ANGPT1: variants seen among roughly 807,000 people sequenced by gnomAD.
ANGPT1 encodes the protein angiopoietin 1, also known as angiopoietin-1.
Under a neutral mutation model 62.2 loss-of-function variants are expected in ANGPT1, and 17 were observed. That is an observed-to-expected ratio of 0.27 (90% confidence interval 0.19 to 0.41). The LOEUF is 0.41. Among genes scored for constraint, ANGPT1 ranks in the 10% least tolerant of loss-of-function variants. ANGPT1 has a pLI of 1.00. For missense variants in ANGPT1, 478 were observed against 594.9 expected (o/e 0.80, Z 2.04); for synonymous variants, 199 against 198.9 (o/e 1.00, Z 0.00).
chr8:107,349,829 GGGA>G (rs1815894834), intron 1 of ANGPT1, among the ~76,000 whole-genome samples: 1 of 152,038 alleles, frequency 6.6e-6, no homozygotes, highest in Non-Finnish European at 1.5e-5. Flanking sequence ...AAACTACATG[GGGA>G]GAATTTTAAA....
chr8:107,472,282 T>G (rs751559453), intron 1 of ANGPT1, among the ~76,000 whole-genome samples: 1 of 152,050 alleles, frequency 6.6e-6, no homozygotes, highest in Non-Finnish European at 1.5e-5. Flanking sequence ...GTTTCTCCAG[T>G]GCAAAGTTAC....
intron 1 of ANGPT1, among the ~76,000 whole-genome samples, chr8:107,420,569 C>G (rs2130378052): frequency 6.6e-6 from 1 of 152,248 alleles, no homozygotes; most frequent in East Asian, 1.9e-4. Context: ...TGTACATCTT[C>G]CCAATCAGAC....
chr8:107,477,761 T>G (rs1812569163), intron 1 of ANGPT1, among the ~76,000 whole-genome samples: 2 of 152,152 alleles, frequency 1.3e-5, no homozygotes, highest in Non-Finnish European at 2.9e-5. Flanking sequence ...TCTGTTCATC[T>G]CAAACAAAAT....
intron 1 of ANGPT1, among the ~76,000 whole-genome samples, chr8:107,493,715 T>A (rs1813024495): frequency 6.6e-6 from 1 of 150,396 alleles, no homozygotes; most frequent in Non-Finnish European, 1.5e-5. Flanking sequence ...ATATGTTATA[T>A]ACTCTTCTGG....
At chr8:107,366,462 G>A (rs1816275267) in intron 1 of ANGPT1, among the ~76,000 whole-genome samples, 1 of 151,988 alleles carries the variant, frequency 6.6e-6, no homozygotes. Context: ...AATATAACTG[G>A]CAAAACCTGA....
At chr8:107,336,377 G>A (rs1407624352) in intron 2 of ANGPT1, 106 bp from the exon 3 acceptor site, 3 of 1,434,474 alleles carry the variant, frequency 2.1e-6, no homozygotes, top group Non-Finnish European at 2.7e-6. Flanking sequence ...TTTAACAAAT[G>A]GTTTACCGCC....
intron 1 of ANGPT1, among the ~76,000 whole-genome samples, chr8:107,366,183 C>T (rs1293194): frequency 0.52 from 78,939 of 151,962 alleles, 20,641 homozygotes; most frequent in Admixed American, 0.6. Context: ...CACATCATAG[C>T]ATTTAGTCCT....
intron 7 of ANGPT1, among the ~76,000 whole-genome samples, chr8:107,276,966 T>C (rs942669245): frequency 2.0e-5 from 3 of 152,224 alleles, no homozygotes; most frequent in Non-Finnish European, 2.9e-5. Flanking sequence ...AGGCTTATGA[T>C]AGACATCAAC....
At chr8:107,455,375 A>C (rs954338251) in intron 1 of ANGPT1, among the ~76,000 whole-genome samples, 1 of 152,084 alleles carries the variant, frequency 6.6e-6, no homozygotes, top group African/African-American at 2.4e-5. Context: ...TAAGTGACTT[A>C]AACTCTGTAC....
intron 3 of ANGPT1, among the ~76,000 whole-genome samples, chr8:107,335,161 G>T (rs1014192958): frequency 1.3e-5 from 2 of 152,164 alleles, no homozygotes; most frequent in African/African-American, 2.4e-5. Context: ...TCGGCCACTA[G>T]CAAGTTGTGT....
rs770445153 is a variant in ANGPT1, at chr8:107,450,328, C to A, written c.297+46934G>T. ...TGCTAAAGCTCAAATTCTGCTCTAG[C>A]TTCCTGTAGTAGAGTTAAGGATTAC... On this transcript the variant is annotated intron_variant, in intron 1 of 8. Transcript: ENST00000517746. 4.9e-4 allele frequency among the ~76,000 whole-genome samples: 75 copies of A among 152,148 alleles called. 1 individual carries two copies. Among genetic ancestry groups the A allele is most frequent in the Non-Finnish European group, 9.1e-4 (62 of 67,910 alleles).
At chr8:107,272,169 T>C (rs544008480) in intron 7 of ANGPT1, among the ~76,000 whole-genome samples, 2 of 152,186 alleles carry the variant, frequency 1.3e-5, no homozygotes, top group South Asian at 4.1e-4. Context: ...TTTTGGAATA[T>C]GTGTAATGGA....
At chr8:107,398,500 A>T (rs1051083517) in intron 1 of ANGPT1, among the ~76,000 whole-genome samples, 108 of 132,712 alleles carry the variant, frequency 8.1e-4, no homozygotes, top group Middle Eastern at 4.4e-3. Context: ...TTTCTTTTCT[A>T]TTTTTTTTTT....
intron 1 of ANGPT1, among the ~76,000 whole-genome samples, chr8:107,420,905 C>G (rs1810880082): frequency 6.6e-6 from 1 of 151,972 alleles, no homozygotes; most frequent in South Asian, 2.1e-4. Flanking sequence ...GAAATGATTT[C>G]ATATGAAAAT....
intron 1 of ANGPT1, among the ~76,000 whole-genome samples, chr8:107,437,068 G>T (rs902016177): frequency 6.6e-6 from 1 of 152,160 alleles, no homozygotes; most frequent in Non-Finnish European, 1.5e-5. Flanking sequence ...TGCTGGTTGG[G>T]TCAGAAACTG....
intron 1 of ANGPT1, among the ~76,000 whole-genome samples, chr8:107,393,704 G>A (rs1586285448): frequency 6.6e-6 from 1 of 152,116 alleles, no homozygotes; most frequent in African/African-American, 2.4e-5. Context: ...CAGCTACTTG[G>A]GAGGCTGAGA....
intron 1 of ANGPT1, among the ~76,000 whole-genome samples, chr8:107,467,513 C>T (rs959038706): frequency 6.6e-6 from 1 of 151,908 alleles, no homozygotes. Flanking sequence ...CCTGAAGAAA[C>T]CTGGGGACTT....
At chr8:107,261,668 G>C (rs1004211419) in intron 8 of ANGPT1, among the ~76,000 whole-genome samples, 8 of 151,014 alleles carry the variant, frequency 5.3e-5, no homozygotes, top group Admixed American at 5.3e-4. Context: ...TCGTGTCACT[G>C]CACTCCAGCC....
intron 1 of ANGPT1, among the ~76,000 whole-genome samples, chr8:107,364,918 T>C (rs1816241080): frequency 6.6e-6 from 1 of 151,890 alleles, no homozygotes; most frequent in Non-Finnish European, 1.5e-5. Flanking sequence ...AGAAAAGAAC[T>C]GTGCAGGTAA....
Sources: allele counts gnomAD v4.1 joint callset (sites outside exome capture counted in the v4.1 genomes callset), GRCh38; gene constraint gnomAD v4.1.1; transcripts MANE v1.5; gene names NCBI Gene and HGNC (gene_info 2026-07-23, HGNC 2026-07-21).